Variants in GON4L observed in about 807,000 individuals in gnomAD.
GON4L encodes the protein gon-4 like, also known as GON-4-like protein.
In GON4L, 87 loss-of-function variants were observed where a neutral mutation model predicts 211.8. That is an observed-to-expected ratio of 0.41 (90% CI 0.35 to 0.49). The LOEUF is 0.49. GON4L is among the 20% of genes least tolerant of loss of function. The pLI, the probability that GON4L is intolerant of heterozygous loss-of-function variation, is 0.15. For missense variants in GON4L, 2,155 were observed against 2,659.5 expected, an observed-to-expected ratio of 0.81 and a Z score of 4.17; for synonymous variants, 875 against 962.6, an observed-to-expected ratio of 0.91 and a Z score of 1.68.
chr1:155,791,456 G>A (rs1329430654), intron 12 of GON4L, among the ~76,000 whole-genome samples: 1 of 143,648 alleles, frequency 7.0e-6, no homozygotes, highest in Non-Finnish European at 1.5e-5. Flanking sequence ...AAACCTGGCA[G>A]AAGAAACTTG....
Position 155,765,231 on chromosome 1 carries a change from A to G in GON4L, c.4242T>C (p.Ala1414=), listed in dbSNP as rs551864039. ...TCACTTCAGGATCCATTGAGGACAA[A>G]GCATTCTTTGATGATCCTTTGTTCA... ...TDVNKGSSKN[A]LSSMDPEVRL... The change falls in exon 21 of 32, where the codon GCT becomes GCC. Residue 1414 remains alanine (A), a synonymous_variant. Transcript: ENST00000368331. 2 of 1,614,198 alleles carry G rather than the reference A, an allele frequency of 1.2e-6. No homozygotes were observed. Among genetic ancestry groups the G allele is most frequent in the South Asian group, 1.1e-5 (1 of 91,082 alleles).
intron 2 of GON4L, among the ~76,000 whole-genome samples, chr1:155,852,057 C>T (rs781596222): frequency 6.6e-6 from 1 of 150,948 alleles, no homozygotes; most frequent in Admixed American, 6.6e-5. Context: ...CCCAGCTACT[C>T]GCGAGGCTGA....
chr1:155,820,720 G>A, intron 5 of GON4L, 64 bp from the exon 6 acceptor site: 7 of 1,228,840 alleles, frequency 5.7e-6, no homozygotes, highest in South Asian at 1.2e-5. Flanking sequence ...GGTGGCTCAT[G>A]CCTATAATCC....
intron 2 of GON4L, among the ~76,000 whole-genome samples, chr1:155,827,682 T>TCACA (rs368852210): frequency 7.2e-5 from 6 of 83,878 alleles, no homozygotes; most frequent in African/African-American, 1.5e-4. Context: ...CAAGACCCCG[T>TCACA]CACACACACA....
At chr1:155,848,221 C>T (rs1671438288) in intron 2 of GON4L, among the ~76,000 whole-genome samples, 1 of 152,202 alleles carries the variant, frequency 6.6e-6, no homozygotes, top group African/African-American at 2.4e-5. Flanking sequence ...AGCCAAGAAC[C>T]CCCCTGGGCT....
chr1:155,786,099 AAAC>A (rs10656171), intron 12 of GON4L, among the ~76,000 whole-genome samples: 89 of 148,998 alleles, frequency 6.0e-4, no homozygotes, highest in African/African-American at 1.9e-3. Flanking sequence ...CTGTCTCAAA[AAAC>A]AACAACAACA....
intron 16 of GON4L, among the ~76,000 whole-genome samples, chr1:155,775,586 C>T (rs1445137255): frequency 6.6e-6 from 1 of 151,762 alleles, no homozygotes; most frequent in Non-Finnish European, 1.5e-5. Context: ...TCCCGAGTAG[C>T]TGGGATTAAT....
chr1:155,791,145 C>CCAGCTACTCAGGAGGCTGAGG (rs1159709091), intron 12 of GON4L, among the ~76,000 whole-genome samples: 2 of 151,928 alleles, frequency 1.3e-5, no homozygotes, highest in Non-Finnish European at 1.5e-5. Flanking sequence ...GCCTGTAATC[C>CCAGCTACTCAGGAGGCTGAGG]CAGCTACTCA....
intron 27 of GON4L, among the ~76,000 whole-genome samples, chr1:155,755,621 C>T (rs1333201430): frequency 6.6e-6 from 1 of 152,186 alleles, no homozygotes; most frequent in East Asian, 1.9e-4. Flanking sequence ...GACCTAAAGA[C>T]TGACATATCC....
At chr1:155,857,379 T>C (rs1672384602), upstream of GON4L, 1 of 152,280 alleles carries the variant, frequency 6.6e-6, no homozygotes, top group Non-Finnish European at 1.5e-5. Flanking sequence ...TAGCTTTCTC[T>C]GCCCATGGAG....
chr1:155,762,138 A>C lies in GON4L; in HGVS notation c.4911+52T>G, dbSNP rs1340790163. 1.7e-5 allele frequency: 24 copies of C among 1,381,522 alleles called. No homozygotes were observed. In the East Asian group the frequency reaches 4.8e-4, roughly 28 times the overall value. The allele number at this position is 1,381,522 out of a possible 1,614,324, so 85.6% of individuals were successfully genotyped here. A position where few individuals can be genotyped will look rare whatever the true frequency, so the allele number is the denominator to read the frequency against. Reference sequence around the variant, plus strand: ...ATGTTGAAAAACATCTCCCTTGAAGAAGCAGCCACATTCATAGAGACTGGC... The same window carrying C: ...ATGTTGAAAAACATCTCCCTTGAAGCAGCAGCCACATTCATAGAGACTGGC... On this transcript the variant is annotated intron_variant, in intron 23 of 31. Coordinates refer to ENST00000368331, the MANE Select transcript of GON4L (RefSeq NM_001282860.2).
At chr1:155,802,754 G>A (rs1219912823) in intron 11 of GON4L, among the ~76,000 whole-genome samples, 2 of 152,176 alleles carry the variant, frequency 1.3e-5, no homozygotes, top group East Asian at 1.9e-4. Context: ...GCAGGAGTTC[G>A]AGACCAGCCT....
intron 10 of GON4L, among the ~76,000 whole-genome samples, chr1:155,812,507 A>AT (rs1326299162): frequency 1.3e-5 from 2 of 152,166 alleles, no homozygotes; most frequent in African/African-American, 2.4e-5. Flanking sequence ...GGGACAACAG[A>AT]TAAAACCAGA....
chr1:155,775,980 GGCATGTTGCCCCA>G (rs113410625), intron 16 of GON4L, among the ~76,000 whole-genome samples: 18 of 151,906 alleles, frequency 1.2e-4, no homozygotes, highest in African/African-American at 4.4e-4. Context: ...ACGGGCTTTC[GGCATGTTGCCCCA>G]GCTAGTCTGG....
chr1:155,791,656 T>C (rs1244363517), intron 12 of GON4L, among the ~76,000 whole-genome samples: 1 of 151,552 alleles, frequency 6.6e-6, no homozygotes, highest in Admixed American at 6.6e-5. Context: ...TCACCTGAGG[T>C]CAAGAGTTCA....
At chr1:155,852,507 C>T (rs1433208889) in intron 2 of GON4L, among the ~76,000 whole-genome samples, 2 of 152,094 alleles carry the variant, frequency 1.3e-5, no homozygotes, top group Admixed American at 6.6e-5. Context: ...TTTGGGAGGC[C>T]AAGGCGGGCG....
At chr1:155,795,530 A>ATT (rs1166679093) in intron 11 of GON4L, among the ~76,000 whole-genome samples, 1 of 152,266 alleles carries the variant, frequency 6.6e-6, no homozygotes, top group African/African-American at 2.4e-5. Flanking sequence ...CTTAGTATAA[A>ATT]ATAGTACAGG....
At chr1:155,813,939 T>A (rs1259060669) in intron 9 of GON4L, 135 bp from the exon 10 acceptor site, 1 of 728,368 alleles carries the variant, frequency 1.4e-6, no homozygotes, top group Non-Finnish European at 2.3e-6. Flanking sequence ...CTAGTTAGAG[T>A]TACATAAAAA....
chr1:155,831,886 T>C (rs902456888), intron 2 of GON4L, among the ~76,000 whole-genome samples: 1 of 151,532 alleles, frequency 6.6e-6, no homozygotes, highest in African/African-American at 2.4e-5. Flanking sequence ...CTCATCTCTT[T>C]AAAAAAAATA....
Sources: gnomAD v4.1 joint callset for allele counts (sites outside exome capture counted in the v4.1 genomes callset) on GRCh38, gnomAD v4.1.1 for gene constraint, MANE v1.5 for transcripts, NCBI Gene and HGNC (gene_info 2026-07-23, HGNC 2026-07-21) for gene names.